NFIA: variants seen among roughly 807,000 people sequenced by gnomAD.
The protein encoded by NFIA is nuclear factor I A.
A neutral mutation model predicts 62.8 loss-of-function variants in NFIA; 8 were observed. The ratio of observed to expected loss-of-function variants is 0.13; its 90% CI spans 0.07 to 0.23. The LOEUF (loss-of-function observed/expected upper bound fraction) is 0.23, where lower values mean the gene tolerates loss of function less well. Among genes scored for constraint, NFIA ranks in the 10% least tolerant of loss-of-function variants. NFIA has a pLI of 1.00. For missense variants in NFIA, 410 were observed against 642.1 expected (o/e 0.64, Z 3.91); for synonymous variants, 235 against 238.1 (o/e 0.99, Z 0.12).
chr1:61,112,444 AGT>A (rs1646711316), intron 2 of NFIA, among the ~76,000 whole-genome samples: 1 of 152,188 alleles, frequency 6.6e-6, no homozygotes, highest in African/African-American at 2.4e-5. Context: ...CATGTAGATA[AGT>A]GTGTGCATTT....
chr1:61,175,882 C>T (rs1241224684), intron 2 of NFIA, among the ~76,000 whole-genome samples: 2 of 152,166 alleles, frequency 1.3e-5, no homozygotes, highest in African/African-American at 2.4e-5. Flanking sequence ...CATGCCATCA[C>T]GAAGCTCATA....
At chr1:61,114,177 A>G (rs536201894) in intron 2 of NFIA, among the ~76,000 whole-genome samples, 1 of 152,298 alleles carries the variant, frequency 6.6e-6, no homozygotes, top group African/African-American at 2.4e-5. Flanking sequence ...TAGTACTTGA[A>G]ACTTCAAAAA....
At chr1:61,290,600 G>A (rs1462184811) in intron 3 of NFIA, among the ~76,000 whole-genome samples, 1 of 152,138 alleles carries the variant, frequency 6.6e-6, no homozygotes, top group Non-Finnish European at 1.5e-5. Flanking sequence ...TTACAGCTTT[G>A]AACTCTTCAG....
intron 2 of NFIA, among the ~76,000 whole-genome samples, chr1:61,123,564 G>A (rs910862500): frequency 1.3e-5 from 2 of 152,188 alleles, no homozygotes; most frequent in African/African-American, 4.8e-5. Flanking sequence ...AATTTGGAGG[G>A]TAATGATGCC....
intron 2 of NFIA, among the ~76,000 whole-genome samples, chr1:61,276,802 A>G (rs1182715945): frequency 1.3e-5 from 2 of 152,138 alleles, no homozygotes; most frequent in African/African-American, 4.8e-5. Context: ...GTTTGAAAAT[A>G]TGATTATATT....
chr1:61,079,062 G>T (rs1430326208), upstream of NFIA, among the ~76,000 whole-genome samples: 1 of 152,192 alleles, frequency 6.6e-6, no homozygotes. Context: ...CAAGGCTTTA[G>T]GCCTTCCAGT....
At chr1:61,136,642 G>C (rs1270740628) in intron 2 of NFIA, among the ~76,000 whole-genome samples, 2 of 152,120 alleles carry the variant, frequency 1.3e-5, no homozygotes, top group Non-Finnish European at 2.9e-5. Context: ...AAAAATAAAG[G>C]CTATACTTAT....
chr1:61,138,553 A>ATTTG (rs546641391), intron 2 of NFIA, among the ~76,000 whole-genome samples: 8 of 139,662 alleles, frequency 5.7e-5, no homozygotes, highest in East Asian at 2.1e-4. Flanking sequence ...TAGTCATTTT[A>ATTTG]TTTGTTTGTT....
At chr1:61,272,117 C>T (rs574060589) in intron 2 of NFIA, among the ~76,000 whole-genome samples, 135 of 151,550 alleles carry the variant, frequency 8.9e-4, no homozygotes, top group African/African-American at 3.2e-3. Flanking sequence ...TTCGGTGGTC[C>T]GGATTTAGTA....
chr1:61,102,679 C>G (rs1267877086), intron 2 of NFIA, among the ~76,000 whole-genome samples: 1 of 152,226 alleles, frequency 6.6e-6, no homozygotes, highest in African/African-American at 2.4e-5. Context: ...AATTATGAGT[C>G]TGCAGTATTA....
intron 2 of NFIA, among the ~76,000 whole-genome samples, chr1:61,146,165 C>T (rs1415535346): frequency 1.3e-5 from 2 of 152,208 alleles, no homozygotes; most frequent in Non-Finnish European, 2.9e-5. Flanking sequence ...GCTTCCTTCT[C>T]CTGGACCTTT....
chr1:61,309,282 T>C (rs1659964983), intron 3 of NFIA, among the ~76,000 whole-genome samples: 1 of 150,942 alleles, frequency 6.6e-6, no homozygotes, highest in Non-Finnish European at 1.5e-5. Context: ...TCTTGGAGTC[T>C]TGACTCCTTC....
intron 4 of NFIA, among the ~76,000 whole-genome samples, chr1:61,335,398 T>C (rs1661549150): frequency 6.6e-6 from 1 of 152,222 alleles, no homozygotes; most frequent in Admixed American, 6.5e-5. Flanking sequence ...TCAAGCCGCA[T>C]GCTGGAGTTG....
chr1:61,442,100 C>A (rs548308087), intron 10 of NFIA, among the ~76,000 whole-genome samples: 1 of 152,128 alleles, frequency 6.6e-6, no homozygotes, highest in Admixed American at 6.5e-5. Context: ...TTCCTGGCTG[C>A]TTGCTTTGAG....
chr1:61,248,632 A>G (rs333165), intron 2 of NFIA, among the ~76,000 whole-genome samples: 11,333 of 152,248 alleles, frequency 0.074, 526 homozygotes, highest in East Asian at 0.16. Context: ...TAATCCCAAA[A>G]CGTTTCTTTG....
chr1:61,317,765 C>T (rs1557702625), intron 3 of NFIA, among the ~76,000 whole-genome samples: 1 of 151,702 alleles, frequency 6.6e-6, no homozygotes, highest in African/African-American at 2.4e-5. Context: ...TTAAAAATTC[C>T]CTGTATGATT....
At chr1:61,175,366 T>G (rs1365770220) in intron 2 of NFIA, among the ~76,000 whole-genome samples, 1 of 152,172 alleles carries the variant, frequency 6.6e-6, no homozygotes, top group Non-Finnish European at 1.5e-5. Flanking sequence ...GAGCTCAAAC[T>G]CCTGGCCTCA....
chr1:61,426,849 C>T (rs1666893076), intron 10 of NFIA, among the ~76,000 whole-genome samples: 1 of 152,088 alleles, frequency 6.6e-6, no homozygotes, highest in South Asian at 2.1e-4. Flanking sequence ...TCATGGTCCT[C>T]TAAATGCAAG....
At chr1:61,082,372 C>A, upstream of NFIA, 1 of 586,908 alleles carries the variant, frequency 1.7e-6, no homozygotes, top group South Asian at 7.2e-5. Flanking sequence ...CCCACACCCC[C>A]TCCCCCCCGC....
Sources: allele counts gnomAD v4.1 joint callset (sites outside exome capture counted in the v4.1 genomes callset), GRCh38; gene constraint gnomAD v4.1.1; transcripts MANE v1.5; gene names NCBI Gene and HGNC (gene_info 2026-07-23, HGNC 2026-07-21).